The following PRELID2 variants were observed in gnomAD, a reference collection of about 807,000 sequenced individuals.
The protein encoded by PRELID2 is PRELI domain-containing protein 2.
In PRELID2, 25 loss-of-function variants were observed where a neutral mutation model predicts 28.4. The ratio of observed to expected loss-of-function variants is 0.88; its 90% CI spans 0.64 to 1.23. The LOEUF (loss-of-function observed/expected upper bound fraction) is 1.23. Ranked by LOEUF, PRELID2 falls within the 50% of genes most tolerant of loss-of-function variation. The pLI, the probability that PRELID2 is intolerant of heterozygous loss-of-function variation, is 0.00. For missense variants in PRELID2, 201 were observed against 214.4 expected (o/e 0.94, Z 0.39); for synonymous variants, 76 against 71.6 (o/e 1.06, Z -0.31).
intron 1 of PRELID2, among the ~76,000 whole-genome samples, chr5:145,541,917 A>G (rs745673009): frequency 1.3e-5 from 2 of 152,098 alleles, no homozygotes; most frequent in African/African-American, 2.4e-5. Flanking sequence ...ATATGTAAAT[A>G]TATGTAAGTA....
At chr5:145,381,081 A>G in the PRELID2 span, among the ~76,000 whole-genome samples, 3 of 152,188 alleles carry the variant, frequency 2.0e-5, no homozygotes, top group South Asian at 6.2e-4. Flanking sequence ...AAAACTACAA[A>G]TTCTGAACAA....
intron 5 of PRELID2, among the ~76,000 whole-genome samples, chr5:145,782,536 C>T (rs1233901203): frequency 6.6e-6 from 1 of 152,192 alleles, no homozygotes; most frequent in African/African-American, 2.4e-5. Context: ...TATATCTGGT[C>T]TTCCCCAAAG....
the PRELID2 span, among the ~76,000 whole-genome samples, chr5:145,449,750 T>C: frequency 2.0e-5 from 3 of 152,088 alleles, no homozygotes; most frequent in East Asian, 3.9e-4. Flanking sequence ...AAGGCTCCAA[T>C]AGCTCCTAGC....
At chr5:145,497,269 G>A (rs115263309) in intron 1 of PRELID2, among the ~76,000 whole-genome samples, 3,221 of 152,128 alleles carry the variant, frequency 0.021, 112 homozygotes, top group African/African-American at 0.075. Context: ...AGTATTGCTG[G>A]GTCATGATCT....
chr5:145,699,399 C>T (rs1404665978), intron 1 of PRELID2, among the ~76,000 whole-genome samples: 4 of 152,094 alleles, frequency 2.6e-5, no homozygotes, highest in African/African-American at 9.7e-5. Flanking sequence ...ACACATCACA[C>T]ACGCACACAC....
intron 1 of PRELID2, among the ~76,000 whole-genome samples, chr5:145,489,666 C>T (rs139286285): frequency 1.3e-5 from 2 of 152,156 alleles, no homozygotes; most frequent in East Asian, 3.9e-4. Flanking sequence ...GATCATAATA[C>T]AAAATCACCT....
At chr5:145,825,265 G>C (rs1246875293) in intron 1 of PRELID2, among the ~76,000 whole-genome samples, 1 of 129,094 alleles carries the variant, frequency 7.7e-6, no homozygotes, top group East Asian at 2.5e-4. Context: ...AAAAAACTTG[G>C]AACTACAGTG....
chr5:145,536,632 C>G (rs1752701308), intron 1 of PRELID2, among the ~76,000 whole-genome samples: 1 of 151,864 alleles, frequency 6.6e-6, no homozygotes, highest in African/African-American at 2.4e-5. Context: ...CAATGTCCCT[C>G]CCTCGGAGTC....
intron 1 of PRELID2, among the ~76,000 whole-genome samples, chr5:145,510,617 T>C (rs1326301223): frequency 6.6e-6 from 1 of 152,234 alleles, no homozygotes; most frequent in Non-Finnish European, 1.5e-5. Context: ...TTCAGAAGGC[T>C]GGAGGCAAAG....
the PRELID2 span, among the ~76,000 whole-genome samples, chr5:145,263,157 A>G: frequency 1.3e-5 from 2 of 152,206 alleles, no homozygotes; most frequent in African/African-American, 4.8e-5. Flanking sequence ...ATATACATAC[A>G]TCTAACACTA....
In PRELID2 at chr5:145,589,840, G is replaced by A. The variant is rs572886347; in HGVS notation, n.71-116525C>T. Among the ~76,000 whole-genome samples the A allele has an allele frequency of 4.6e-5, 7 of 152,136 alleles. No individual in the cohort carries two copies. In the South Asian group the frequency reaches 1.5e-3, roughly 32 times the overall value. On this transcript the variant is annotated intron_variant and non_coding_transcript_variant, in intron 1 of 2. Transcript: ENST00000510259. ...TGGTTTGGGTTTTTATGTTAAGTTT[G>A]TAAATCCACTTGTAATTTATTTTGT...
At chr5:145,238,524 C>T in the PRELID2 span, among the ~76,000 whole-genome samples, 1 of 152,100 alleles carries the variant, frequency 6.6e-6, no homozygotes, top group Non-Finnish European at 1.5e-5. Flanking sequence ...TGCTACTTTT[C>T]CATGCCTTTT....
At chr5:145,383,547 T>C in the PRELID2 span, among the ~76,000 whole-genome samples, 2 of 149,980 alleles carry the variant, frequency 1.3e-5, no homozygotes, top group Non-Finnish European at 3.0e-5. Flanking sequence ...ATGATTTTCA[T>C]CAAAGAAGCC....
intron 5 of PRELID2, among the ~76,000 whole-genome samples, chr5:145,784,984 A>G (rs1376857090): frequency 6.6e-6 from 1 of 152,214 alleles, no homozygotes; most frequent in Non-Finnish European, 1.5e-5. Context: ...TGATAAAAAT[A>G]TATCATTTTT....
At chr5:145,229,377 A>G in the PRELID2 span, 4 of 742,762 alleles carry the variant, frequency 5.4e-6, no homozygotes, top group African/African-American at 6.9e-5. Context: ...AACCTCATGC[A>G]CATCAGCTAC....
At chr5:145,408,955 A>C in the PRELID2 span, among the ~76,000 whole-genome samples, 1 of 152,184 alleles carries the variant, frequency 6.6e-6, no homozygotes, top group African/African-American at 2.4e-5. Flanking sequence ...AATAATCTTA[A>C]GAGCTGTGAG....
At chr5:145,594,396 A>G (rs1299184515) in intron 1 of PRELID2, among the ~76,000 whole-genome samples, 1 of 152,174 alleles carries the variant, frequency 6.6e-6, no homozygotes, top group Non-Finnish European at 1.5e-5. Context: ...AATAAATAAC[A>G]TTAACTTTTT....
chr5:145,618,632 T>C (rs1753732849), intron 1 of PRELID2, among the ~76,000 whole-genome samples: 5 of 152,170 alleles, frequency 3.3e-5, no homozygotes, highest in Admixed American at 3.3e-4. Flanking sequence ...TTTGGTGATT[T>C]AATGCTCTAT....
At chr5:145,741,144 TA>T (rs1253761924) in intron 1 of PRELID2, among the ~76,000 whole-genome samples, 5 of 116,586 alleles carry the variant, frequency 4.3e-5, no homozygotes, top group African/African-American at 1.4e-4. Context: ...ATATAATGTA[TA>T]AATATGTAAA....
Sources: allele counts gnomAD v4.1 joint callset (sites outside exome capture counted in the v4.1 genomes callset), GRCh38; gene constraint gnomAD v4.1.1; transcripts MANE v1.5; gene names NCBI Gene and HGNC (gene_info 2026-07-23, HGNC 2026-07-21).